The following PRELID2 variants were observed in gnomAD, a reference collection of about 807,000 sequenced individuals.
The protein encoded by PRELID2 is PRELI domain containing 2.
PRELID2 carries 25 observed loss-of-function variants against 28.4 expected under a neutral mutation model. The ratio of observed to expected loss-of-function variants is 0.88; its 90% confidence interval spans 0.64 to 1.23. PRELID2 has a LOEUF of 1.23. PRELID2 is among the 50% of genes most tolerant of loss of function. The pLI, the probability that PRELID2 is intolerant of heterozygous loss-of-function variation, is 0.00. For synonymous variants in PRELID2, 76 were observed against 71.6 expected (o/e 1.06, Z -0.31); for missense variants, 201 against 214.4 (o/e 0.94, Z 0.39).
the PRELID2 span, among the ~76,000 whole-genome samples, chr5:145,333,778 C>A: frequency 7.1e-6 from 1 of 140,320 alleles, no homozygotes; most frequent in Non-Finnish European, 1.5e-5. Flanking sequence ...GGGGAGTGAT[C>A]AGTTATGTCT....
chr5:145,346,692 C>T, the PRELID2 span, among the ~76,000 whole-genome samples: 2 of 152,082 alleles, frequency 1.3e-5, no homozygotes, highest in African/African-American at 2.4e-5. Context: ...ACCATCTGGC[C>T]CTTTTCAAGA....
At chr5:145,417,289 A>G in the PRELID2 span, among the ~76,000 whole-genome samples, 1 of 152,136 alleles carries the variant, frequency 6.6e-6, no homozygotes, top group African/African-American at 2.4e-5. Flanking sequence ...CCAAGACCAG[A>G]TGAATTCACA....
At chr5:145,341,496 A>C in the PRELID2 span, among the ~76,000 whole-genome samples, 1 of 152,002 alleles carries the variant, frequency 6.6e-6, no homozygotes, top group African/African-American at 2.4e-5. Flanking sequence ...GCCAAGACTG[A>C]GCCACTGCAC....
chr5:145,680,946 G>A (rs1158228402), intron 1 of PRELID2, among the ~76,000 whole-genome samples: 1 of 152,218 alleles, frequency 6.6e-6, no homozygotes. Flanking sequence ...AGTTCTGACA[G>A]CCTGTATCCA....
At chr5:145,341,308 A>C in the PRELID2 span, among the ~76,000 whole-genome samples, 1 of 152,194 alleles carries the variant, frequency 6.6e-6, no homozygotes, top group Non-Finnish European at 1.5e-5. Flanking sequence ...ATTAATTTTA[A>C]AGATGCTTGG....
intron 1 of PRELID2, among the ~76,000 whole-genome samples, chr5:145,578,797 C>T (rs561299776): frequency 2.6e-5 from 4 of 152,182 alleles, no homozygotes; most frequent in African/African-American, 9.6e-5. Context: ...ACTGAATACA[C>T]ATCAGTTTGC....
chr5:145,581,033 C>T (rs150470171), intron 1 of PRELID2, among the ~76,000 whole-genome samples: 1 of 152,032 alleles, frequency 6.6e-6, no homozygotes, highest in East Asian at 1.9e-4. Flanking sequence ...TCCCTTTCTC[C>T]TTTTATTCCC....
At chr5:145,712,517 T>C (rs1332439445) in intron 1 of PRELID2, among the ~76,000 whole-genome samples, 1 of 152,178 alleles carries the variant, frequency 6.6e-6, no homozygotes, top group Non-Finnish European at 1.5e-5. Flanking sequence ...ATAAATTAGA[T>C]TGACCAGCCC....
chr5:145,777,646 C>T (rs1421907174), intron 5 of PRELID2, among the ~76,000 whole-genome samples: 1 of 152,126 alleles, frequency 6.6e-6, no homozygotes, highest in Non-Finnish European at 1.5e-5. Flanking sequence ...CTGGCAGGAG[C>T]CCAGGGGCAG....
chr5:145,314,054 C>A, the PRELID2 span, among the ~76,000 whole-genome samples: 1 of 152,128 alleles, frequency 6.6e-6, no homozygotes, highest in Non-Finnish European at 1.5e-5. Flanking sequence ...TACAGTTTCC[C>A]AAAGCATTTT....
At chr5:145,285,771 C>T in the PRELID2 span, among the ~76,000 whole-genome samples, 3 of 152,068 alleles carry the variant, frequency 2.0e-5, no homozygotes, top group Non-Finnish European at 4.4e-5. Context: ...AAGGTTACAT[C>T]CAACAAAGAG....
chr5:145,752,373 T>C (rs557465680), downstream of PRELID2, among the ~76,000 whole-genome samples: 5 of 152,330 alleles, frequency 3.3e-5, 1 homozygote, highest in African/African-American at 1.2e-4. Context: ...ATGCATACTG[T>C]TTAATGCAAT....
chr5:145,689,406 C>G (rs1286222718), intron 1 of PRELID2, among the ~76,000 whole-genome samples: 1 of 152,158 alleles, frequency 6.6e-6, no homozygotes, highest in African/African-American at 2.4e-5. Flanking sequence ...GGAACAAGGC[C>G]CTGTTCCTCC....
chr5:145,243,661 A>G, the PRELID2 span, among the ~76,000 whole-genome samples: 1 of 152,096 alleles, frequency 6.6e-6, no homozygotes, highest in Non-Finnish European at 1.5e-5. Context: ...GGGCCTGGTG[A>G]AATCATATAG....
the PRELID2 span, among the ~76,000 whole-genome samples, chr5:145,311,551 G>C: frequency 1.3e-5 from 2 of 152,092 alleles, no homozygotes; most frequent in Admixed American, 1.3e-4. Flanking sequence ...CTTGATTTTT[G>C]CAAGGACAGC....
chr5:145,340,267 G>T, the PRELID2 span, among the ~76,000 whole-genome samples: 1 of 152,156 alleles, frequency 6.6e-6, no homozygotes, highest in East Asian at 1.9e-4. Flanking sequence ...TATCACCACA[G>T]CTGAAACCCA....
chr5:145,403,025 C>G, the PRELID2 span, among the ~76,000 whole-genome samples: 2 of 152,152 alleles, frequency 1.3e-5, no homozygotes, highest in East Asian at 3.9e-4. Context: ...TTTGGACCCA[C>G]TTCCTTGAGC....
chr5:145,414,973 C>T, the PRELID2 span, among the ~76,000 whole-genome samples: 1 of 152,214 alleles, frequency 6.6e-6, no homozygotes, highest in Non-Finnish European at 1.5e-5. Context: ...AAGACCTGAA[C>T]TCAGCTCTGG....
At chr5:145,599,870 C>T (rs559900786) in intron 1 of PRELID2, among the ~76,000 whole-genome samples, 102 of 152,214 alleles carry the variant, frequency 6.7e-4, no homozygotes, top group African/African-American at 2.3e-3. Flanking sequence ...CTCCATTTTC[C>T]TAGCCCCTCA....
Sources: gnomAD v4.1 joint callset for allele counts (sites outside exome capture counted in the v4.1 genomes callset) on GRCh38, gnomAD v4.1.1 for gene constraint, MANE v1.5 for transcripts, NCBI Gene and HGNC (gene_info 2026-07-23, HGNC 2026-07-21) for gene names.